Variants in GAS6 observed in about 807,000 individuals in gnomAD.
GAS6 encodes growth arrest specific 6.
In GAS6, 41 loss-of-function variants were observed where a neutral mutation model predicts 75.8. The ratio of observed to expected loss-of-function variants is 0.54; its 90% confidence interval spans 0.42 to 0.70. GAS6 has a LOEUF of 0.70. GAS6 is among the 30% of genes least tolerant of loss of function. GAS6 has a pLI of 0.00. For synonymous variants in GAS6, 432 were observed against 412.6 expected, an observed-to-expected ratio of 1.05 and a Z score of -0.57; for missense variants, 854 against 940.2, an observed-to-expected ratio of 0.91 and a Z score of 1.20.
intron 4 of GAS6, chr13:113,843,035 C>T: frequency 2.5e-6 from 1 of 393,270 alleles, no homozygotes; most frequent in African/African-American, 2.1e-5. Flanking sequence ...AGGACGGAAC[C>T]ACACCTGAGG....
chr13:113,823,339 AGCCGGTCAGGAC>A (rs1347684080), intron 13 of GAS6, 24 bp downstream of exon 13: 1 of 1,577,644 alleles, frequency 6.3e-7, no homozygotes, highest in African/African-American at 1.3e-5. Flanking sequence ...CCGTGGGTCG[AGCCGGTCAGGAC>A]GCCCTGGGTG....
intron 6 of GAS6, among the ~76,000 whole-genome samples, chr13:113,836,875 G>A (rs1373849010): frequency 1.1e-5 from 1 of 95,198 alleles, no homozygotes; most frequent in African/African-American, 4.1e-5. Flanking sequence ...GGAGTGGGGA[G>A]AGGAGGAGGG....
intron 2 of GAS6, among the ~76,000 whole-genome samples, chr13:113,850,628 GCACCGAGCCTGGTGCTGACTGT>G (rs2051865758): frequency 6.6e-6 from 1 of 152,230 alleles, no homozygotes; most frequent in Admixed American, 6.5e-5. Flanking sequence ...TACCTGCCCA[GCACCGAGCCTGGTGCTGACTGT>G]CCCCCAGAGG....
Position 113,827,027 on chromosome 13 carries a change from C to G in GAS6, c.1446G>C (p.Gly482=). The G allele has an allele frequency of 6.2e-7, 1 of 1,613,316 alleles. No individual in the cohort carries two copies. Reference sequence around the variant, plus strand: ...CCAGGCTGTAGAAGGCGAAGCCGCTCCCGGGGTAGAAAGAGCCTCTCTCCG... The same window carrying G: ...CCAGGCTGTAGAAGGCGAAGCCGCTGCCGGGGTAGAAAGAGCCTCTCTCCG... ...SVTERGSFYP[G]SGFAFYSLDY... The change falls in exon 12 of 15, where the codon GGG becomes GGC. Residue 482 remains glycine (G), a synonymous_variant. Coordinates refer to ENST00000327773, the MANE Select transcript of GAS6 (RefSeq NM_000820.4).
At chr13:113,834,977 C>T (rs1045742942) in intron 7 of GAS6, among the ~76,000 whole-genome samples, 3 of 152,244 alleles carry the variant, frequency 2.0e-5, no homozygotes, top group Non-Finnish European at 4.4e-5. Flanking sequence ...CTGGGAAGCA[C>T]AGGGTCTGGG....
rs6602911 is a variant in GAS6 at position 113,844,399 on chromosome 13, C to T, written c.343+2128G>A. 70,955 of 149,934 alleles carry T rather than the reference C, an allele frequency of 0.47. 19,371 individuals are homozygous for T. Among genetic ancestry groups the T allele is most frequent in the African/African-American group, 0.7 (27,652 of 39,626 alleles). The allele number at this position is 149,934 out of a possible 1,614,324, so 9.3% of individuals were successfully genotyped here. On this transcript the variant is annotated intron_variant, in intron 4 of 14. Coordinates refer to ENST00000327773, the MANE Select transcript of GAS6 (RefSeq NM_000820.4). The surrounding 1 kb of genome is among the most constrained non-coding windows in gnomAD (Gnocchi z 5.7). ...TCATCCATGCAAGGAAGCGAGGCGA[C>T]GCCTTGAAAAGGACGGCCTTCTTTG...
chr13:113,847,783 A>C (rs2051845542), intron 3 of GAS6: 1 of 543,596 alleles, frequency 1.8e-6, no homozygotes, highest in Non-Finnish European at 3.3e-6. Context: ...ATCAACTCAG[A>C]GAAGGGGTTT....
At position 113,822,052 on chromosome 13, in the gene GAS6, C is replaced by T; in HGVS notation, c.1788G>A (p.Gln596=). 6.3e-7 allele frequency: 1 copy of T among 1,584,258 alleles called. No individual in the cohort carries two copies. The highest frequency in any genetic ancestry group is 1.2e-5 in the South Asian group (1 of 86,640). ...GCAGCTGCGCGGCGCTCACCTCGCT[C>T]TGGCCCCTGGTGCCGTCCACCTCCA... ...ATLEVDGTRG[Q]SEVSAAQLQE... is the part of the protein sequence containing the mutation. The change falls in exon 14 of 15, where the codon CAG becomes CAA. Residue 596 remains glutamine (Q), a synonymous_variant. Coordinates refer to ENST00000327773, the MANE Select transcript of GAS6 (RefSeq NM_000820.4).
At position 113,822,139 on chromosome 13, in the gene GAS6, G is replaced by T; in HGVS notation, c.1701C>A (p.Ile567=). The change falls in exon 14 of 15, where the codon ATC becomes ATA. Residue 567 remains isoleucine, a synonymous_variant. Coordinates refer to ENST00000327773, the MANE Select transcript of GAS6 (RefSeq NM_000820.4). ...VEHTALALME[I]KVCDGQEHVV... ...CGTGCTCTTGGCCGTCGCAGACCTTGATCTCCATTAGGGCCAAGGCCGTAT... is the reference window on the plus strand; with the variant it reads ...CGTGCTCTTGGCCGTCGCAGACCTTTATCTCCATTAGGGCCAAGGCCGTAT... The T allele has an allele frequency of 6.3e-7, 1 of 1,599,296 alleles. No individual in the cohort carries two copies.
chr13:113,828,212 C>A (rs973377164), intron 11 of GAS6, among the ~76,000 whole-genome samples: 4 of 151,984 alleles, frequency 2.6e-5, no homozygotes, highest in South Asian at 2.1e-4. Context: ...TGCAGTGAGC[C>A]GAGATCGCGC....
chr13:113,828,050 C>T (rs181290229), intron 11 of GAS6, among the ~76,000 whole-genome samples: 27,791 of 152,000 alleles, frequency 0.18, 2,911 homozygotes, highest in South Asian at 0.33. Context: ...CCGAGGTGGG[C>T]AGTTCACGAG....
chr13:113,862,714 T>C (rs1191553573), intron 2 of GAS6, among the ~76,000 whole-genome samples: 7 of 152,316 alleles, frequency 4.6e-5, no homozygotes, highest in Non-Finnish European at 8.8e-5. Context: ...CAGGCCTCCA[T>C]GGTTCATCCA....
In GAS6 at chr13:113,839,747, C is replaced by G; in HGVS notation, c.447G>C (p.Gly149=). The change falls in exon 5 of 15, where the codon GGG becomes GGC. Residue 149 remains glycine, a synonymous_variant. Coordinates refer to ENST00000327773, the MANE Select transcript of GAS6 (RefSeq NM_000820.4). ...NFFCLCKAGW[G]GRLCDKDVNE... Reference sequence around the variant, plus strand: ...ACGTACCTTTGTCGCAGAGCCGGCCCCCCCAGCCAGCTTTACACAGGCAGA... The same window carrying G: ...ACGTACCTTTGTCGCAGAGCCGGCCGCCCCAGCCAGCTTTACACAGGCAGA... The G allele has an allele frequency of 4.3e-6, 7 of 1,613,958 alleles. No homozygotes were observed. The highest frequency in any genetic ancestry group is 5.9e-6 in the Non-Finnish European group (7 of 1,179,960).
At chr13:113,855,840 T>C (rs953637761) in intron 2 of GAS6, among the ~76,000 whole-genome samples, 42 of 152,328 alleles carry the variant, frequency 2.8e-4, no homozygotes, top group Middle Eastern at 3.4e-3. Context: ...CCTCCAGCTT[T>C]ATCCAAGTTG....
chr13:113,857,913 A>G (rs2051927161), intron 2 of GAS6, among the ~76,000 whole-genome samples: 2 of 152,238 alleles, frequency 1.3e-5, no homozygotes, highest in Non-Finnish European at 2.9e-5. Context: ...GCATCTGCAC[A>G]GGTGCGGGCA....
rs747464759 is a variant in GAS6, at chr13:113,828,674, T to C, written c.1181A>G (p.Lys394Arg). The C allele has an allele frequency of 4.0e-5, 65 of 1,613,398 alleles. No individual in the cohort carries two copies. Among genetic ancestry groups the C allele is most frequent in the Non-Finnish European group, 4.9e-5 (58 of 1,179,982 alleles). Residue 394 changes from lysine to arginine, a missense_variant, in exon 11 of 15, where the codon AAG becomes AGG. Lys to Arg is a conservative substitution (Grantham distance 26). Transcript: ENST00000327773. ...VEELARNLVI[K>R]VNRDAVMKIA... ...TTTCATGACAGCATCCCTGTTGACC[T>C]TGATGACCAGATTCCGCGCCAGCTC...
Position 113,828,643 on chromosome 13 carries a change from C to G in GAS6, c.1212G>C (p.Ala404=). Reference sequence around the variant, plus strand: ...CCGGTTGGAACAAGTCCCCGGCCACCGCGATTTTCATGACAGCATCCCTGT... The same window carrying G: ...CCGGTTGGAACAAGTCCCCGGCCACGGCGATTTTCATGACAGCATCCCTGT... ...KVNRDAVMKI[A]VAGDLFQPER... The change falls in exon 11 of 15, where the codon GCG becomes GCC. Residue 404 remains alanine (A), a synonymous_variant. Transcript: ENST00000327773. The G allele has an allele frequency of 6.2e-7, 1 of 1,613,630 alleles. No individual in the cohort carries two copies.
At chr13:113,827,667 A>G (rs2051568650) in intron 11 of GAS6, among the ~76,000 whole-genome samples, 1 of 152,114 alleles carries the variant, frequency 6.6e-6, no homozygotes, top group African/African-American at 2.4e-5. Context: ...CCCTCACAAC[A>G]CTGAAGGGGT....
At chr13:113,834,036 GTCATGC>G (rs1470876143) in intron 8 of GAS6, among the ~76,000 whole-genome samples, 1 of 146,930 alleles carries the variant, frequency 6.8e-6, no homozygotes, top group African/African-American at 2.6e-5. Context: ...TGACAGGTAG[GTCATGC>G]TGTGATAGGC....
Sources: allele counts gnomAD v4.1 joint callset (sites outside exome capture counted in the v4.1 genomes callset), GRCh38; gene constraint gnomAD v4.1.1; non-coding constraint Gnocchi (gnomAD v3.1); transcripts MANE v1.5; gene names NCBI Gene and HGNC (gene_info 2026-07-23, HGNC 2026-07-21).